The following SERPINB1 variants were observed in gnomAD, a reference collection of about 807,000 sequenced individuals.
SERPINB1 encodes the protein serpin family B member 1.
SERPINB1 carries 23 observed loss-of-function variants against 25.9 expected under a neutral mutation model. The observed-to-expected ratio is 0.89, with a 90% CI of 0.64 to 1.26. The LOEUF (loss-of-function observed/expected upper bound fraction) is 1.26, where lower values mean the gene tolerates loss of function less well. SERPINB1 is among the 50% of genes most tolerant of loss of function. SERPINB1 has a pLI of 0.00. For synonymous variants in SERPINB1, 178 were observed against 178.7 expected, an observed-to-expected ratio of 1.00 and a Z score of 0.03; for missense variants, 399 against 463.6, an observed-to-expected ratio of 0.86 and a Z score of 1.28.
chr6:2,838,808 AACCCAAT>A, intron 2 of SERPINB1, 122 bp from the exon 3 acceptor site: 1 of 750,272 alleles, frequency 1.3e-6, no homozygotes, highest in Non-Finnish European at 1.9e-6. Context: ...GATGATCCCA[AACCCAAT>A]ACTTTATTAA....
intron 6 of SERPINB1, among the ~76,000 whole-genome samples, chr6:2,835,522 T>C (rs561744112): frequency 7.9e-5 from 12 of 152,122 alleles, no homozygotes; most frequent in Non-Finnish European, 1.8e-4. Flanking sequence ...CCACTGAAAG[T>C]AGCTGGCCAT....
rs1766641490 is a variant in SERPINB1 at position 2,841,150 on chromosome 6, A to G, written c.-8-556T>C. Reference sequence around the variant, plus strand: ...AATTCTTCCTTATTTTTGAGGTTCAAAAGGTATGAGGTCCAGTGCCCACAG... The same window carrying G: ...AATTCTTCCTTATTTTTGAGGTTCAGAAGGTATGAGGTCCAGTGCCCACAG... On this transcript the variant is annotated intron_variant, in intron 1 of 6. Transcript: ENST00000380739. This position sits in a 1 kb window ranked among gnomAD's most constrained non-coding sequence, Gnocchi z 4.5. 1 of 152,204 alleles carries G rather than the reference A, an allele frequency of 6.6e-6. No homozygotes were observed. Among genetic ancestry groups the G allele is most frequent in the Non-Finnish European group, 1.5e-5 (1 of 68,074 alleles). The allele number at this position is 152,204 out of a possible 1,614,324, so 9.4% of individuals were successfully genotyped here. A position where few individuals can be genotyped will look rare whatever the true frequency, so the allele number is the denominator to read the frequency against.
At chr6:2,836,392 C>A (rs972284764) in intron 4 of SERPINB1, 142 bp from the exon 5 acceptor site, 2 of 925,912 alleles carry the variant, frequency 2.2e-6, no homozygotes, top group African/African-American at 3.3e-5. Context: ...TTAGGAAAGC[C>A]CTACTCACTA....
intron 6 of SERPINB1, among the ~76,000 whole-genome samples, 180 bp downstream of exon 6, chr6:2,835,676 G>A (rs963553357): frequency 1.3e-5 from 2 of 152,112 alleles, no homozygotes; most frequent in Admixed American, 1.3e-4. Context: ...GTCTCTATAA[G>A]TAAATTTAAA....
chr6:2,834,895 G>T (rs1766441116), intron 6 of SERPINB1, among the ~76,000 whole-genome samples: 1 of 152,128 alleles, frequency 6.6e-6, no homozygotes, highest in Non-Finnish European at 1.5e-5. Context: ...CTACATAAAT[G>T]TCAGCTATTA....
At chr6:2,836,798 T>C (rs1352612606) in intron 4 of SERPINB1, among the ~76,000 whole-genome samples, 1 of 152,076 alleles carries the variant, frequency 6.6e-6, no homozygotes, top group Non-Finnish European at 1.5e-5. Context: ...AAGGCTGCAG[T>C]GAGCCACGAT....
At position 2,841,615 on chromosome 6, in the gene SERPINB1, T is replaced by G. The variant is rs1766656894; in HGVS notation, c.-9+197A>C. The G allele has an allele frequency of 1.3e-5, 2 of 151,418 alleles. No homozygotes were observed. The highest frequency in any genetic ancestry group is 2.9e-5 in the Non-Finnish European group (2 of 68,004). The allele number at this position is 151,418 out of a possible 1,614,324, so 9.4% of individuals were successfully genotyped here. On this transcript the variant is annotated intron_variant, in intron 1 of 6. Coordinates refer to ENST00000380739, the MANE Select transcript of SERPINB1 (RefSeq NM_030666.4). The surrounding 1 kb of genome is among the most constrained non-coding windows in gnomAD (Gnocchi z 4.5). Reference sequence around the variant, plus strand: ...CCTGTACCCAGGCGGGGGCGGGGGATCAGAGGTCGTCTGTCTCCGTCGGGG... The same window carrying G: ...CCTGTACCCAGGCGGGGGCGGGGGAGCAGAGGTCGTCTGTCTCCGTCGGGG...
rs530987521 is a variant in SERPINB1 at position 2,841,097 on chromosome 6, G to A, written c.-8-503C>T. ...TACTATGCATTAAAACTCCAGCAAA[G>A]GTATCACTGTAATTATTATAATAAT... On this transcript the variant is annotated intron_variant, in intron 1 of 6. Coordinates refer to ENST00000380739, the MANE Select transcript of SERPINB1 (RefSeq NM_030666.4). The surrounding 1 kb of genome is among the most constrained non-coding windows in gnomAD (Gnocchi z 4.5). 3 of 152,318 alleles carry A rather than the reference G, an allele frequency of 2.0e-5. No homozygotes were observed. Among genetic ancestry groups the A allele is most frequent in the East Asian group, 3.9e-4 (2 of 5,186 alleles). 9.4% of individuals were successfully genotyped at this position (152,318 alleles called of 1,614,324 possible).
In SERPINB1 at chr6:2,837,665, T is replaced by C. The variant is rs1290048135; in HGVS notation, c.424+217A>G. Among the ~76,000 whole-genome samples the C allele has an allele frequency of 1.3e-5, 2 of 152,252 alleles. No homozygotes were observed. Among genetic ancestry groups the C allele is most frequent in the Non-Finnish European group, 2.9e-5 (2 of 68,048 alleles). On this transcript the variant is annotated intron_variant, in intron 4 of 6. Transcript: ENST00000380739. The surrounding 1 kb of genome is among the most constrained non-coding windows in gnomAD (Gnocchi z 4.3). ...GGATTTAGCTGCTTGAGTTAAATCA[T>C]GTTTAAGTTTCCACTCTGGTGAACT... is the stretch of plus-strand genomic sequence containing the variant.
rs1324267018 is a variant in SERPINB1, at chr6:2,837,245, G to A, written c.424+637C>T. 6.6e-6 allele frequency among the ~76,000 whole-genome samples: 1 copy of A among 152,058 alleles called. No homozygotes were observed. Among genetic ancestry groups the A allele is most frequent in the Non-Finnish European group, 1.5e-5 (1 of 68,004 alleles). ...TTTAATTCCTTTTTTGCTGTATTCA[G>A]TGTTGGTTTTAACTTTATTTTTTAT... On this transcript the variant is annotated intron_variant, in intron 4 of 6. Transcript: ENST00000380739. The surrounding 1 kb of genome is among the most constrained non-coding windows in gnomAD (Gnocchi z 4.3).
At chr6:2,836,295 T>G (rs771114418) in intron 4 of SERPINB1, 45 bp from the exon 5 acceptor site, 1 of 1,561,100 alleles carries the variant, frequency 6.4e-7, no homozygotes, top group Non-Finnish European at 8.6e-7. Context: ...AAATCGGAAT[T>G]CCAAATTTGA....
chr6:2,833,212 G>A lies in SERPINB1; in HGVS notation c.*396C>T. On this transcript the variant is annotated 3_prime_UTR_variant, in exon 7 of 7. Coordinates refer to ENST00000380739, the MANE Select transcript of SERPINB1 (RefSeq NM_030666.4). ...TCTGTTTTTAAACCTCCCTTCAACA[G>A]TCAGGGTGTCTGTCTATTTTGTGGC... is the stretch of plus-strand genomic sequence containing the variant. The A allele has an allele frequency of 6.2e-6, 1 of 160,380 alleles. No individual in the cohort carries two copies. Among genetic ancestry groups the A allele is most frequent in the Admixed American group, 6.4e-5 (1 of 15,618 alleles). 9.9% of individuals were successfully genotyped at this position (160,380 alleles called of 1,614,324 possible).
At position 2,836,225 on chromosome 6, in the gene SERPINB1, C is replaced by T. The variant is rs146799452; in HGVS notation, c.450G>A (p.Ser150=). The stretch of plus-strand genomic sequence containing the variant: ...GTTTGGTCATGTTATCAACCATGCC[C>T]GAAGCCAACAGTTCCGGAATTTTTC... ...TEGKIPELLA[S]GMVDNMTKLV... The change falls in exon 5 of 7, where the codon TCG becomes TCA. Residue 150 remains serine, a synonymous_variant. Coordinates refer to ENST00000380739, the MANE Select transcript of SERPINB1 (RefSeq NM_030666.4). 97 of 1,602,218 alleles carry T rather than the reference C, an allele frequency of 6.1e-5. No individual in the cohort carries two copies. The highest frequency in any genetic ancestry group is 9.5e-5 in the African/African-American group (7 of 74,012).
In SERPINB1 at chr6:2,833,277, A is replaced by G. The variant is rs941148756; in HGVS notation, c.*331T>C. 9.9e-6 allele frequency: 2 copies of G among 201,334 alleles called. No homozygotes were observed. The highest frequency in any genetic ancestry group is 4.6e-5 in the African/African-American group (2 of 43,402). 12.5% of individuals were successfully genotyped at this position (201,334 alleles called of 1,614,324 possible). A position where few individuals can be genotyped will look rare whatever the true frequency, so the allele number is the denominator to read the frequency against. On this transcript the variant is annotated 3_prime_UTR_variant, in exon 7 of 7. Coordinates refer to ENST00000380739, the MANE Select transcript of SERPINB1 (RefSeq NM_030666.4). ...CTGCAAAATAAATGACCATCTTATC[A>G]TGTTTTCCCATGGCTATCAGGAGGA...
In SERPINB1 at chr6:2,832,845, GAGAAA is replaced by G. The variant is rs1330970399; in HGVS notation, c.*758_*762del. 2.0e-5 allele frequency: 3 copies of G among 151,950 alleles called. No homozygotes were observed. Among genetic ancestry groups the G allele is most frequent in the East Asian group, 1.9e-4 (1 of 5,182 alleles). 9.4% of individuals were successfully genotyped at this position (151,950 alleles called of 1,614,324 possible). ...AGAAAGAAAGAAAGAAAAAGAAAAA[GAGAAA>G]AGAAAACACATGAGAAGGTGGCTAA... On this transcript the variant is annotated 3_prime_UTR_variant, in exon 7 of 7. Transcript: ENST00000380739.
chr6:2,839,497 AG>A, intron 2 of SERPINB1: 1 of 975,868 alleles, frequency 1.0e-6, no homozygotes, highest in East Asian at 1.2e-4. Flanking sequence ...TTAGTAACAG[AG>A]GTTTTTTTTT....
chr6:2,840,495 G>A lies in SERPINB1; in HGVS notation c.92C>T (p.Ser31Phe). Residue 31 changes from serine (S) to phenylalanine (F), a missense_variant, in exon 2 of 7, where the codon TCT (serine) becomes TTT (phenylalanine). Transcript: ENST00000380739. Reference sequence around the variant, plus strand: ...CATAGCAGATGAAATGCTGAAGGGAGAGATGAAGATGTTTCCAGCCGGATT... The same window carrying A: ...CATAGCAGATGAAATGCTGAAGGGAAAGATGAAGATGTTTCCAGCCGGATT... Reference protein sequence around the residue: ...ENNPAGNIFISPFSISSAMAM... With the variant: ...ENNPAGNIFIFPFSISSAMAM... The A allele has an allele frequency of 6.2e-7, 1 of 1,614,182 alleles. No homozygotes were observed. The highest frequency in any genetic ancestry group is 1.1e-5 in the South Asian group (1 of 91,082).
At chr6:2,840,903 C>A (rs1447401637) in intron 1 of SERPINB1, among the ~76,000 whole-genome samples, 1 of 152,078 alleles carries the variant, frequency 6.6e-6, no homozygotes, top group Admixed American at 6.6e-5. Context: ...CCCCAGCTAC[C>A]CCAGCTTTAG....
Position 2,838,536 on chromosome 6 carries a change from G to A in SERPINB1, c.306+13C>T, listed in dbSNP as rs1272786323. 1.9e-6 allele frequency: 3 copies of A among 1,582,646 alleles called. No individual in the cohort carries two copies. Among genetic ancestry groups the A allele is most frequent in the East Asian group, 4.6e-5 (2 of 43,904 alleles). On this transcript the variant is annotated intron_variant, in intron 3 of 6. Transcript: ENST00000380739. ...CTAGTGGGGTTTTAGAATGTGAAGG[G>A]CAAAGTACTTACAGGAAGGAAATTG...
Sources: allele counts gnomAD v4.1 joint callset (sites outside exome capture counted in the v4.1 genomes callset), GRCh38; gene constraint gnomAD v4.1.1; non-coding constraint Gnocchi (gnomAD v3.1); transcripts MANE v1.5; gene names NCBI Gene and HGNC (gene_info 2026-07-23, HGNC 2026-07-21).